MACROD2: variants seen among roughly 807,000 people sequenced by gnomAD.
MACROD2 encodes mono-ADP ribosylhydrolase 2, also known as ADP-ribose glycohydrolase MACROD2.
MACROD2 carries 36 observed loss-of-function variants against 70.4 expected under a neutral mutation model. The ratio of observed to expected loss-of-function variants is 0.51; its 90% confidence interval spans 0.39 to 0.68. The LOEUF (loss-of-function observed/expected upper bound fraction) is 0.68, where lower values mean the gene tolerates loss of function less well. MACROD2 is among the 30% of genes least tolerant of loss of function. MACROD2 has a pLI of 0.00. For synonymous variants in MACROD2, 172 were observed against 178.8 expected (o/e 0.96, Z 0.30); for missense variants, 496 against 538.4 (o/e 0.92, Z 0.78).
At chr20:14,581,281 A>T (rs953753489) in intron 4 of MACROD2, among the ~76,000 whole-genome samples, 1 of 152,220 alleles carries the variant, frequency 6.6e-6, no homozygotes, top group Non-Finnish European at 1.5e-5. Flanking sequence ...ACTCTAAAAA[A>T]TTCTCATGTT....
intron 3 of MACROD2, among the ~76,000 whole-genome samples, chr20:14,455,494 C>T (rs980761922): frequency 1.3e-5 from 2 of 151,802 alleles, no homozygotes; most frequent in Admixed American, 1.3e-4. Context: ...AAGTCTATAT[C>T]TGTGCAAAGC....
chr20:14,241,337 A>G (rs1261485111), intron 3 of MACROD2, among the ~76,000 whole-genome samples: 1 of 152,152 alleles, frequency 6.6e-6, no homozygotes, highest in Non-Finnish European at 1.5e-5. Context: ...TATGTGGTTT[A>G]TGTGTAGAAG....
intron 5 of MACROD2, among the ~76,000 whole-genome samples, chr20:15,208,895 G>A (rs749174785): frequency 1.6e-4 from 25 of 152,230 alleles, no homozygotes; most frequent in South Asian, 1.2e-3. Context: ...GCTGAAATTG[G>A]CTTCCTAACC....
intron 3 of MACROD2, among the ~76,000 whole-genome samples, chr20:14,222,284 A>G (rs1197471050): frequency 2.0e-5 from 3 of 152,198 alleles, no homozygotes; most frequent in African/African-American, 7.2e-5. Flanking sequence ...GTATCTATAC[A>G]CAATGGAATA....
chr20:14,254,401 A>T (rs982033570), intron 3 of MACROD2, among the ~76,000 whole-genome samples: 1 of 152,188 alleles, frequency 6.6e-6, no homozygotes, highest in East Asian at 1.9e-4. Context: ...GAAAAAAAAG[A>T]TAAAGATTGT....
At chr20:14,941,489 G>C (rs1437741053) in intron 5 of MACROD2, among the ~76,000 whole-genome samples, 1 of 152,026 alleles carries the variant, frequency 6.6e-6, no homozygotes. Context: ...GTGAATTAGT[G>C]GAAAATTTCT....
intron 8 of MACROD2, among the ~76,000 whole-genome samples, chr20:15,630,818 G>C (rs537659754): frequency 6.6e-6 from 1 of 152,260 alleles, no homozygotes; most frequent in South Asian, 2.1e-4. Flanking sequence ...TTCTCTTATA[G>C]ATTTTTTCTC....
intron 4 of MACROD2, among the ~76,000 whole-genome samples, chr20:14,579,332 G>A (rs1302367295): frequency 6.6e-6 from 1 of 150,570 alleles, no homozygotes; most frequent in Non-Finnish European, 1.5e-5. Flanking sequence ...TAGTAGAGAC[G>A]GGGTTTCACC....
intron 4 of MACROD2, among the ~76,000 whole-genome samples, chr20:14,618,095 G>A (rs902566268): frequency 4.8e-5 from 5 of 104,138 alleles, no homozygotes; most frequent in African/African-American, 2.0e-4. Context: ...GTCCACACCT[G>A]CCCTCCAATC....
chr20:15,567,542 T>C (rs118049618), intron 8 of MACROD2, among the ~76,000 whole-genome samples: 1,549 of 152,366 alleles, frequency 0.01, 23 homozygotes, highest in South Asian at 0.063. Context: ...GTTCATGTGC[T>C]TTCACCCTTT....
intron 5 of MACROD2, among the ~76,000 whole-genome samples, chr20:15,159,618 A>T (rs1416477430): frequency 4.3e-5 from 1 of 23,240 alleles, no homozygotes; most frequent in Non-Finnish European, 7.8e-5. Context: ...TTATGTAAGG[A>T]GATTGATTGA....
At chr20:14,658,629 T>G (rs1986085642) in intron 4 of MACROD2, among the ~76,000 whole-genome samples, 1 of 152,188 alleles carries the variant, frequency 6.6e-6, no homozygotes, top group Non-Finnish European at 1.5e-5. Context: ...TTTGTTTTTT[T>G]GGGAGATGGA....
At chr20:14,645,525 A>G (rs1022410160) in intron 4 of MACROD2, among the ~76,000 whole-genome samples, 1 of 151,998 alleles carries the variant, frequency 6.6e-6, no homozygotes, top group Non-Finnish European at 1.5e-5. Flanking sequence ...TGCTTAATTT[A>G]TAATCTTTTA....
At chr20:14,843,138 G>A (rs1222677815) in intron 5 of MACROD2, among the ~76,000 whole-genome samples, 2 of 145,760 alleles carry the variant, frequency 1.4e-5, no homozygotes, top group East Asian at 4.0e-4. Flanking sequence ...ACAACTATCT[G>A]ATCATCTCAT....
chr20:14,932,003 TAAAA>T lies in MACROD2; in HGVS notation c.418+247063_418+247066del, dbSNP rs11483683. ...AGCAACAGAGTGAGACCCTGTTTCT[TAAAA>T]AAAAAAAAAAAAAAAAAATCCACCA... On this transcript the variant is annotated intron_variant, in intron 5 of 17. Transcript: ENST00000684519. 8.2e-3 allele frequency among the ~76,000 whole-genome samples: 1,119 copies of T among 135,956 alleles called. 13 individuals carry two copies. Among genetic ancestry groups the T allele is most frequent in the African/African-American group, 0.029 (1,043 of 36,124 alleles). 89.2% of individuals were successfully genotyped at this position (135,956 alleles called of 152,430 possible).
chr20:14,344,139 G>A (rs1400143256), intron 3 of MACROD2, among the ~76,000 whole-genome samples: 1 of 152,122 alleles, frequency 6.6e-6, no homozygotes, highest in East Asian at 1.9e-4. Flanking sequence ...CATGTTTAAG[G>A]TAGAGTCAAA....
chr20:15,470,407 A>G (rs1003000396), intron 7 of MACROD2, among the ~76,000 whole-genome samples: 3 of 151,986 alleles, frequency 2.0e-5, no homozygotes, highest in African/African-American at 7.3e-5. Context: ...TGTTTGTTTC[A>G]CCTTGTCACT....
chr20:15,654,351 G>A (rs16996284), intron 8 of MACROD2, among the ~76,000 whole-genome samples: 3,614 of 152,258 alleles, frequency 0.024, 178 homozygotes, highest in East Asian at 0.2. Flanking sequence ...ATGTGCCATT[G>A]TCAATACCTC....
intron 8 of MACROD2, among the ~76,000 whole-genome samples, chr20:15,842,984 G>T (rs1466950545): frequency 6.6e-6 from 1 of 152,076 alleles, no homozygotes; most frequent in African/African-American, 2.4e-5. Context: ...AGTAGAGTAG[G>T]CACCTAGAAA....
Sources: gnomAD v4.1 joint callset for allele counts (sites outside exome capture counted in the v4.1 genomes callset) on GRCh38, gnomAD v4.1.1 for gene constraint, MANE v1.5 for transcripts, NCBI Gene and HGNC (gene_info 2026-07-23, HGNC 2026-07-21) for gene names.